Variants in CEP83 observed in about 807,000 individuals in gnomAD.
The protein encoded by CEP83 is centrosomal protein 83.
In CEP83, 70 loss-of-function variants were observed where a neutral mutation model predicts 101.9. That is an observed-to-expected ratio of 0.69 (90% CI 0.57 to 0.84). CEP83 has a LOEUF of 0.84. Ranked by LOEUF, CEP83 falls within the 40% of genes least tolerant of loss-of-function variation. The pLI is 0.00. For missense variants in CEP83, 715 were observed against 787.2 expected, an observed-to-expected ratio of 0.91 and a Z score of 1.10; for synonymous variants, 264 against 267.9, an observed-to-expected ratio of 0.99 and a Z score of 0.14.
chr12:94,278,805 G>A, the CEP83 span, among the ~76,000 whole-genome samples: 1 of 152,144 alleles, frequency 6.6e-6, no homozygotes, highest in Non-Finnish European at 1.5e-5. Flanking sequence ...AGACCAGCCT[G>A]GCCAACATGG....
At chr12:94,434,975 G>C (rs1185699777) in intron 2 of CEP83, among the ~76,000 whole-genome samples, 1 of 152,118 alleles carries the variant, frequency 6.6e-6, no homozygotes, top group Non-Finnish European at 1.5e-5. Context: ...CCTGTATAAA[G>C]CATTATACTA....
intron 2 of CEP83, among the ~76,000 whole-genome samples, chr12:94,427,330 T>C (rs2065278419): frequency 6.6e-6 from 1 of 152,202 alleles, no homozygotes; most frequent in Non-Finnish European, 1.5e-5. Flanking sequence ...AAGTGAAACA[T>C]TATCTCGATT....
intron 2 of CEP83, among the ~76,000 whole-genome samples, chr12:94,423,526 G>T (rs540575304): frequency 7.3e-6 from 1 of 137,758 alleles, no homozygotes; most frequent in African/African-American, 2.7e-5. Context: ...CACAAAAAAA[G>T]TGATGGCTCC....
chr12:94,286,301 C>T, the CEP83 span, among the ~76,000 whole-genome samples: 5 of 152,070 alleles, frequency 3.3e-5, no homozygotes, highest in African/African-American at 4.8e-5. Flanking sequence ...CTGAAGGAAA[C>T]GGGAGGTCAT....
At chr12:94,424,198 A>C in intron 2 of CEP83, 3 of 1,609,218 alleles carry the variant, frequency 1.9e-6, no homozygotes, top group Non-Finnish European at 2.6e-6. Context: ...ACCCATTCTG[A>C]AGAGCTGTGG....
At chr12:94,361,815 C>T (rs2060777188) in intron 11 of CEP83, among the ~76,000 whole-genome samples, 1 of 152,096 alleles carries the variant, frequency 6.6e-6, no homozygotes, top group African/African-American at 2.4e-5. Flanking sequence ...AATTCTCCTG[C>T]CTCAGCCTCC....
At chr12:94,288,339 A>G in the CEP83 span, among the ~76,000 whole-genome samples, 1 of 151,178 alleles carries the variant, frequency 6.6e-6, no homozygotes, top group African/African-American at 2.4e-5. Flanking sequence ...GGCTCTGACA[A>G]CTCCAACCCA....
intron 4 of CEP83, among the ~76,000 whole-genome samples, chr12:94,406,970 A>T (rs1018473640): frequency 2.0e-5 from 3 of 151,980 alleles, no homozygotes; most frequent in African/African-American, 7.2e-5. Flanking sequence ...AGAGACGAAA[A>T]CTACAATTTC....
the CEP83 span, among the ~76,000 whole-genome samples, chr12:94,266,900 G>T: frequency 6.6e-6 from 1 of 152,202 alleles, no homozygotes; most frequent in Non-Finnish European, 1.5e-5. Flanking sequence ...ACCAGTGCCC[G>T]GGCTTTCCCT....
intron 14 of CEP83, 40 bp from the exon 15 acceptor site, chr12:94,313,057 C>T: frequency 1.1e-6 from 1 of 890,072 alleles, no homozygotes; most frequent in Non-Finnish European, 1.8e-6. Flanking sequence ...AATACATAAT[C>T]TCTTATTTGA....
chr12:94,305,116 T>C (rs938821149), downstream of CEP83: 4 of 946,560 alleles, frequency 4.2e-6, no homozygotes, highest in South Asian at 2.9e-5. Context: ...GCATCAGGTA[T>C]GCAAAAAACA....
chr12:94,411,445 T>C (rs116961386), intron 4 of CEP83, among the ~76,000 whole-genome samples: 6 of 152,276 alleles, frequency 3.9e-5, no homozygotes, highest in Non-Finnish European at 7.4e-5. Flanking sequence ...TTATTCTTAA[T>C]GGTTAAATAT....
chr12:94,343,475 T>C (rs1435105485), intron 11 of CEP83, among the ~76,000 whole-genome samples: 2 of 45,004 alleles, frequency 4.4e-5, no homozygotes, highest in African/African-American at 2.1e-4. Flanking sequence ...ATTAACTTTT[T>C]TTTTTTTTTT....
At position 94,403,282 on chromosome 12, in the gene CEP83, A is replaced by C. The variant is rs2063359580; in HGVS notation, c.325-20T>G. ...TAATATCTAATATGTAGAGAAATGC[A>C]AACAATATAAAATCACATTAAAATC... On this transcript the variant is annotated intron_variant, in intron 4 of 16. Transcript: ENST00000397809. 1 of 1,023,544 alleles carries C rather than the reference A, an allele frequency of 9.8e-7. No individual in the cohort carries two copies. The allele number at this position is 1,023,544 out of a possible 1,614,324, so 63.4% of individuals were successfully genotyped here. A position where few individuals can be genotyped will look rare whatever the true frequency, so the allele number is the denominator to read the frequency against.
At chr12:94,354,963 C>T (rs1417149489) in intron 11 of CEP83, among the ~76,000 whole-genome samples, 1 of 152,060 alleles carries the variant, frequency 6.6e-6, no homozygotes. Flanking sequence ...GATCGTGCCA[C>T]TGCACTCCAG....
chr12:94,356,514 A>G (rs1386827831), intron 11 of CEP83, among the ~76,000 whole-genome samples: 3 of 152,208 alleles, frequency 2.0e-5, no homozygotes, highest in Non-Finnish European at 4.4e-5. Context: ...TCTTAGTTCT[A>G]TTAGGCAGGA....
the CEP83 span, chr12:94,294,504 A>G: frequency 4.5e-6 from 6 of 1,325,846 alleles, no homozygotes; most frequent in Middle Eastern, 7.3e-4. Flanking sequence ...TGGATCCACT[A>G]TAAAAGTCTT....
At chr12:94,412,192 A>G in intron 3 of CEP83, 126 bp downstream of exon 3, 1 of 701,832 alleles carries the variant, frequency 1.4e-6, no homozygotes, top group Non-Finnish European at 2.2e-6. Flanking sequence ...TACTATATTA[A>G]AAAAGTTTTA....
chr12:94,454,795 G>T (rs750082247), intron 1 of CEP83, among the ~76,000 whole-genome samples: 1 of 149,948 alleles, frequency 6.7e-6, no homozygotes, highest in Non-Finnish European at 1.5e-5. Context: ...AACAATGCCG[G>T]ACGCGCCACC....
Sources: allele counts gnomAD v4.1 joint callset (sites outside exome capture counted in the v4.1 genomes callset), GRCh38; gene constraint gnomAD v4.1.1; transcripts MANE v1.5; gene names NCBI Gene and HGNC (gene_info 2026-07-23, HGNC 2026-07-21).